The following ZEB2 variants were observed in gnomAD, a reference collection of about 807,000 sequenced individuals.
ZEB2 encodes the protein zinc finger E-box-binding homeobox 2.
ZEB2 carries 6 observed loss-of-function variants against 99.9 expected under a neutral mutation model. The ratio of observed to expected loss-of-function variants is 0.06; its 90% CI spans 0.03 to 0.12. The LOEUF (loss-of-function observed/expected upper bound fraction) is 0.12. Among genes scored for constraint, ZEB2 ranks in the 10% least tolerant of loss-of-function variants. The probability of loss-of-function intolerance (pLI) is 1.00; values close to 1 mark genes in which losing one functional copy is unlikely to be tolerated. For synonymous variants in ZEB2, 517 were observed against 542.5 expected, an observed-to-expected ratio of 0.95 and a Z score of 0.65; for missense variants, 969 against 1,502.8, an observed-to-expected ratio of 0.64 and a Z score of 5.87.
At chr2:144,415,455 C>T (rs567989963) in intron 4 of ZEB2, among the ~76,000 whole-genome samples, 28 of 152,300 alleles carry the variant, frequency 1.8e-4, no homozygotes, top group African/African-American at 5.8e-4. Flanking sequence ...ACATATTACT[C>T]GTTATTTTCC....
At chr2:144,454,479 C>T (rs922965708) in intron 2 of ZEB2, among the ~76,000 whole-genome samples, 12 of 152,270 alleles carry the variant, frequency 7.9e-5, no homozygotes, top group South Asian at 2.1e-4. Context: ...ATCCAGAGGA[C>T]GCTTGCTATC....
chr2:144,451,842 A>T (rs1704058639), intron 2 of ZEB2, among the ~76,000 whole-genome samples: 1 of 152,260 alleles, frequency 6.6e-6, no homozygotes, highest in Admixed American at 6.5e-5. Flanking sequence ...ACACATCGGT[A>T]CGCATGCCTA....
At chr2:144,398,044 G>T in intron 8 of ZEB2, 1 of 397,754 alleles carries the variant, frequency 2.5e-6, no homozygotes, top group Non-Finnish European at 4.7e-6. Flanking sequence ...AAAAGCAGAT[G>T]AGTCCATCTA....
At chr2:144,439,044 TTC>T (rs1703872875) in intron 2 of ZEB2, among the ~76,000 whole-genome samples, 1 of 151,818 alleles carries the variant, frequency 6.6e-6, no homozygotes, top group South Asian at 2.1e-4. Flanking sequence ...ATTGAATAAT[TTC>T]TGTCATGAGG....
In ZEB2 at chr2:144,517,342, C is replaced by T. The variant is rs149882004; in HGVS notation, c.9G>A (p.Gln3=). 6.5e-5 allele frequency: 105 copies of T among 1,613,530 alleles called. No homozygotes were observed. In the Admixed American group the frequency reaches 7.3e-4, roughly 11 times the overall value. MK[Q]PIMADGPRCK... is the part of the protein sequence containing the mutation. Reference sequence around the variant, plus strand: ...ACCGGGGGCCATCCGCCATGATCGGCTGCTTCATTGATAAGAGCGGATCAG... The same window carrying T: ...ACCGGGGGCCATCCGCCATGATCGGTTGCTTCATTGATAAGAGCGGATCAG... Residue 3 remains glutamine (Q), a synonymous_variant, in exon 2 of 10, where the codon CAG becomes CAA. Coordinates refer to ENST00000627532, the MANE Select transcript of ZEB2 (RefSeq NM_014795.4).
intron 2 of ZEB2, among the ~76,000 whole-genome samples, chr2:144,456,199 T>G (rs144689267): frequency 1.3e-5 from 2 of 152,304 alleles, no homozygotes; most frequent in African/African-American, 2.4e-5. Flanking sequence ...GAATTTCCTT[T>G]GCTTTTGTCA....
chr2:144,517,171 GCGCCGCCGC>G (rs1018470315), intron 2 of ZEB2, 98 bp downstream of exon 2: 1 of 1,473,266 alleles, frequency 6.8e-7, no homozygotes, highest in Non-Finnish European at 9.4e-7. Flanking sequence ...AGAGCCCTGG[GCGCCGCCGC>G]CGCCGCCGCC....
In ZEB2 at chr2:144,399,108, T is replaced by C. The variant is rs768080905; in HGVS notation, c.2079A>G (p.Glu693=). The C allele has an allele frequency of 1.6e-5, 26 of 1,614,060 alleles. No individual in the cohort carries two copies. The highest frequency in any genetic ancestry group is 2.1e-5 in the Non-Finnish European group (25 of 1,180,040). The stretch of plus-strand genomic sequence containing the variant: ...TTGAGTACTGGTAGACTTTTCGTTG[T>C]TCAAACCATTCCTTCACAAATTCCT... ...LPQEFVKEWF[E]QRKVYQYSNS... is the part of the protein sequence containing the mutation. The change falls in exon 8 of 10, where the codon GAA becomes GAG. Residue 693 remains glutamate (E), a synonymous_variant. Coordinates refer to ENST00000627532, the MANE Select transcript of ZEB2 (RefSeq NM_014795.4). The surrounding 1 kb of genome is among the most constrained non-coding windows in gnomAD (Gnocchi z 5.6).
At chr2:144,421,602 G>A (rs914609393) in intron 4 of ZEB2, among the ~76,000 whole-genome samples, 4 of 151,068 alleles carry the variant, frequency 2.6e-5, no homozygotes, top group East Asian at 1.9e-4. Flanking sequence ...TCACCTTTAC[G>A]AAATTCTCTT....
intron 2 of ZEB2, among the ~76,000 whole-genome samples, chr2:144,492,194 T>G (rs374802937): frequency 6.6e-6 from 1 of 152,216 alleles, no homozygotes. Flanking sequence ...GGAAAATAGC[T>G]AAAATGATTG....
rs1200486735 is a variant in ZEB2, at chr2:144,440,511, ATATATTTTTTTTT to A, written c.74-10498_74-10486del. Among the ~76,000 whole-genome samples, 286 of 30,070 alleles carry A rather than the reference ATATATTTTTTTTT, an allele frequency of 9.5e-3. 1 individual carries two copies. Among genetic ancestry groups the A allele is most frequent in the East Asian group, 0.021 (21 of 1,018 alleles). 19.7% of individuals were successfully genotyped at this position (30,070 alleles called of 152,430 possible). A position where few individuals can be genotyped will look rare whatever the true frequency, so the allele number is the denominator to read the frequency against. On this transcript the variant is annotated intron_variant, in intron 2 of 9. Coordinates refer to ENST00000627532, the MANE Select transcript of ZEB2 (RefSeq NM_014795.4). ...TATATATATATATATATATATATAT[ATATATTTTTTTTT>A]TTTTTTTTTTTTTTTTTTAACTAGT...
chr2:144,517,493 C>G, intron 1 of ZEB2, 74 bp from the exon 2 acceptor site: 1 of 1,011,084 alleles, frequency 9.9e-7, no homozygotes, highest in Non-Finnish European at 1.5e-6. Context: ...CCCAGGGGAG[C>G]CGGGCCAGGG....
At chr2:144,516,651 C>T (rs1376492521) in intron 2 of ZEB2, 1 of 151,660 alleles carries the variant, frequency 6.6e-6, no homozygotes, top group African/African-American at 2.4e-5. Context: ...GAGCCATCAT[C>T]GACCCCACCG....
intron 4 of ZEB2, among the ~76,000 whole-genome samples, chr2:144,421,903 T>A (rs1573737178): frequency 6.6e-6 from 1 of 152,328 alleles, no homozygotes; most frequent in East Asian, 1.9e-4. Flanking sequence ...TATATATCTT[T>A]TATATGAAAA....
In ZEB2 at chr2:144,483,148, A is replaced by ACACACACACACACATGCG. The variant is rs1553968378; in HGVS notation, c.73+34129_73+34130insCGCATGTGTGTGTGTGTG. ...CACACACACACACACACACACACAC[A>ACACACACACACACATGCG]CACACACACACACACATACCCTAAG... On this transcript the variant is annotated intron_variant, in intron 2 of 9. Transcript: ENST00000627532. Among the ~76,000 whole-genome samples the ACACACACACACACATGCG allele has an allele frequency of 5.6e-5, 8 of 144,116 alleles. No homozygotes were observed. The East Asian group carries it at 1.3e-3, about 24-fold the overall frequency. 94.5% of individuals were successfully genotyped at this position (144,116 alleles called of 152,430 possible).
intron 1 of ZEB2, chr2:144,517,976 G>C (rs965484786): frequency 8.9e-6 from 3 of 336,564 alleles, no homozygotes; most frequent in Non-Finnish European, 1.1e-5. Context: ...GGAGTTTATC[G>C]AGGCACTGTC....
intron 9 of ZEB2, 115 bp from the exon 10 acceptor site, chr2:144,390,143 G>T: frequency 9.2e-7 from 1 of 1,084,848 alleles, no homozygotes; most frequent in South Asian, 1.3e-5. Context: ...ATGCCTGAAA[G>T]ATCAACACAC....
chr2:144,434,272 T>C (rs970971023), intron 2 of ZEB2, among the ~76,000 whole-genome samples: 21 of 152,184 alleles, frequency 1.4e-4, no homozygotes, highest in African/African-American at 4.8e-4. Context: ...AATCGTTCAA[T>C]GCCATCATCA....
intron 4 of ZEB2, among the ~76,000 whole-genome samples, chr2:144,420,980 G>T (rs1297782762): frequency 6.6e-6 from 1 of 152,170 alleles, no homozygotes; most frequent in Non-Finnish European, 1.5e-5. Flanking sequence ...TAGGAAAGAT[G>T]TGGGCTGACT....
Sources: gnomAD v4.1 joint callset for allele counts (sites outside exome capture counted in the v4.1 genomes callset) on GRCh38, gnomAD v4.1.1 for gene constraint, Gnocchi (gnomAD v3.1) non-coding constraint, MANE v1.5 for transcripts, NCBI Gene and HGNC (gene_info 2026-07-23, HGNC 2026-07-21) for gene names.